The following ENOX1 variants were observed in gnomAD, a reference collection of about 807,000 sequenced individuals.
ENOX1 encodes candidate growth-related and time keeping constitutive hydroquinone (NADH) oxidase.
ENOX1 carries 42 observed loss-of-function variants against 82.5 expected under a neutral mutation model. The observed-to-expected ratio is 0.51, with a 90% CI of 0.40 to 0.66. ENOX1 has a LOEUF of 0.66. Among genes scored for constraint, ENOX1 ranks in the 30% least tolerant of loss-of-function variants. The probability of loss-of-function intolerance (pLI) is 0.00; values close to 1 mark genes in which losing one functional copy is unlikely to be tolerated. For synonymous variants in ENOX1, 271 were observed against 282.2 expected (o/e 0.96, Z 0.40); for missense variants, 608 against 811.6 (o/e 0.75, Z 3.05).
Position 43,281,229 on chromosome 13 carries a change from A to G in ENOX1, c.1447-11652T>C, listed in dbSNP as rs897414391. Among the ~76,000 whole-genome samples the G allele has an allele frequency of 2.6e-5, 4 of 152,200 alleles. 1 individual carries two copies. Among genetic ancestry groups the G allele is most frequent in the Non-Finnish European group, 5.9e-5 (4 of 68,030 alleles). On this transcript the variant is annotated intron_variant, in intron 12 of 16. Coordinates refer to ENST00000690772, the MANE Select transcript of ENOX1 (RefSeq NM_001347969.2). ...TAATAATAGCAGCAGCAGCAGCAGA[A>G]AACCTCAACAAATACTGCCATTGTG...
intron 1 of ENOX1, among the ~76,000 whole-genome samples, chr13:43,683,304 T>G (rs2085890485): frequency 6.6e-6 from 1 of 151,694 alleles, no homozygotes; most frequent in African/African-American, 2.4e-5. Flanking sequence ...GAGGTAGGGG[T>G]TGGGAAGGAA....
intron 3 of ENOX1, among the ~76,000 whole-genome samples, chr13:43,482,701 G>A (rs1459606811): frequency 6.6e-6 from 1 of 151,952 alleles, no homozygotes; most frequent in African/African-American, 2.4e-5. Flanking sequence ...GGGTATGAAG[G>A]TTTGAAAACA....
chr13:43,230,168 A>G (rs2042215655), intron 15 of ENOX1, among the ~76,000 whole-genome samples: 1 of 152,200 alleles, frequency 6.6e-6, no homozygotes, highest in Admixed American at 6.5e-5. Flanking sequence ...GATGGCGGAG[A>G]GAAGTATTTC....
At chr13:43,390,677 T>A (rs184665768) in intron 5 of ENOX1, among the ~76,000 whole-genome samples, 2 of 152,332 alleles carry the variant, frequency 1.3e-5, no homozygotes, top group African/African-American at 4.8e-5. Flanking sequence ...TCCAAAAGTG[T>A]ACTGTCATAT....
chr13:43,265,161 A>C (rs2044296655), intron 14 of ENOX1, among the ~76,000 whole-genome samples: 1 of 152,220 alleles, frequency 6.6e-6, no homozygotes, highest in African/African-American at 2.4e-5. Flanking sequence ...GACTCACTGA[A>C]ATTAGAATTT....
At chr13:43,298,694 C>T (rs1473576548) in intron 11 of ENOX1, among the ~76,000 whole-genome samples, 164 bp from the exon 12 acceptor site, 1 of 152,220 alleles carries the variant, frequency 6.6e-6, no homozygotes, top group East Asian at 1.9e-4. Flanking sequence ...AGTCGGTATG[C>T]ATCACTTCTC....
intron 5 of ENOX1, among the ~76,000 whole-genome samples, chr13:43,377,202 T>C (rs900534198): frequency 5.3e-5 from 8 of 152,116 alleles, no homozygotes; most frequent in Non-Finnish European, 1.2e-4. Context: ...TATTGTAGGA[T>C]TGGGTTAGTT....
In ENOX1 at chr13:43,243,480, G is replaced by T. The variant is rs140433389; in HGVS notation, c.1612-6742C>A. On this transcript the variant is annotated intron_variant, in intron 14 of 16. Transcript: ENST00000690772. The stretch of plus-strand genomic sequence containing the variant: ...TTTCATACTTTGTTTTAGGGATGCG[G>T]TCTCACTATGTTGAGCAGGCTGGTC... Among the ~76,000 whole-genome samples, 6 of 152,234 alleles carry T rather than the reference G, an allele frequency of 3.9e-5. No homozygotes were observed. In the East Asian group the frequency reaches 1.2e-3, roughly 29 times the overall value.
chr13:43,223,966 A>T (rs1344800286), intron 16 of ENOX1, 87 bp downstream of exon 16: 5 of 971,780 alleles, frequency 5.1e-6, no homozygotes, highest in African/African-American at 4.9e-5. Context: ...CTACAGCCCT[A>T]GTTCAGTTCA....
chr13:43,305,054 A>T (rs1325115136), intron 11 of ENOX1, among the ~76,000 whole-genome samples: 1 of 152,146 alleles, frequency 6.6e-6, no homozygotes, highest in Non-Finnish European at 1.5e-5. Flanking sequence ...GACCAGTACC[A>T]TGTCAGAAGA....
intron 2 of ENOX1, among the ~76,000 whole-genome samples, chr13:43,507,032 T>C (rs890689431): frequency 5.9e-5 from 9 of 151,832 alleles, no homozygotes; most frequent in South Asian, 2.1e-4. Context: ...AGAATAGAAC[T>C]TTTAAAACTC....
intron 9 of ENOX1, among the ~76,000 whole-genome samples, chr13:43,330,980 C>CT (rs1289695752): frequency 6.6e-6 from 1 of 152,198 alleles, no homozygotes; most frequent in East Asian, 1.9e-4. Context: ...GAGCACACTT[C>CT]TTACTGATAG....
intron 1 of ENOX1, among the ~76,000 whole-genome samples, chr13:43,698,125 C>A (rs2086729892): frequency 6.6e-6 from 1 of 151,482 alleles, no homozygotes; most frequent in Non-Finnish European, 1.5e-5. Context: ...GGAGTGGACT[C>A]AAAAAAAATG....
intron 16 of ENOX1, among the ~76,000 whole-genome samples, chr13:43,220,468 CA>C (rs949866526): frequency 4.6e-5 from 7 of 152,132 alleles, no homozygotes; most frequent in African/African-American, 1.7e-4. Context: ...GTCTGAGTCT[CA>C]AATCATTTCA....
intron 1 of ENOX1, among the ~76,000 whole-genome samples, chr13:43,681,322 T>C (rs1376077435): frequency 6.6e-6 from 1 of 152,118 alleles, no homozygotes; most frequent in Non-Finnish European, 1.5e-5. Flanking sequence ...GACAAAGACA[T>C]TTGTCCTGGG....
intron 5 of ENOX1, among the ~76,000 whole-genome samples, chr13:43,369,712 C>T (rs1344468505): frequency 1.3e-5 from 2 of 152,244 alleles, no homozygotes; most frequent in African/African-American, 2.4e-5. Context: ...TTTCTCCTCC[C>T]TTGTCCTCAA....
intron 9 of ENOX1, among the ~76,000 whole-genome samples, chr13:43,327,677 A>G (rs2048188788): frequency 1.3e-5 from 2 of 152,246 alleles, no homozygotes; most frequent in Non-Finnish European, 2.9e-5. Context: ...TATTATAAAA[A>G]AGGACATCAA....
intron 11 of ENOX1, among the ~76,000 whole-genome samples, chr13:43,316,766 G>T (rs1001242117): frequency 7.2e-6 from 1 of 138,398 alleles, no homozygotes; most frequent in Non-Finnish European, 1.6e-5. Context: ...AGATTAGCAA[G>T]ATTAAAAGAA....
chr13:43,769,836 GAAGCCTCCACTTAA>G (rs2153836980), intron 1 of ENOX1, among the ~76,000 whole-genome samples: 1 of 152,318 alleles, frequency 6.6e-6, no homozygotes, highest in East Asian at 1.9e-4. Flanking sequence ...CTTTAATTCT[GAAGCCTCCACTTAA>G]AGGTTCAGAG....
Sources: gnomAD v4.1 joint callset for allele counts (sites outside exome capture counted in the v4.1 genomes callset) on GRCh38, gnomAD v4.1.1 for gene constraint, MANE v1.5 for transcripts, NCBI Gene and HGNC (gene_info 2026-07-23, HGNC 2026-07-21) for gene names.